NFIB: variants seen among roughly 807,000 people sequenced by gnomAD.
NFIB encodes the protein nuclear factor I B, also known as nuclear factor 1 B-type.
A neutral mutation model predicts 61.5 loss-of-function variants in NFIB; 11 were observed. That is an observed-to-expected ratio of 0.18 (90% confidence interval 0.11 to 0.30). The LOEUF is 0.30. NFIB is among the 10% of genes least tolerant of loss of function. The pLI is 1.00. For synonymous variants in NFIB, 260 were observed against 216.5 expected, an observed-to-expected ratio of 1.20 and a Z score of -1.76; for missense variants, 471 against 608.9, an observed-to-expected ratio of 0.77 and a Z score of 2.38.
rs1332059831 is a variant in NFIB at position 14,202,723 on chromosome 9, G to T, written c.563-22943C>A. Among the ~76,000 whole-genome samples the T allele has an allele frequency of 3.4e-4, 51 of 152,132 alleles. 1 individual carries two copies. Among genetic ancestry groups the T allele is most frequent in the Admixed American group, 3.3e-3 (51 of 15,278 alleles). On this transcript the variant is annotated intron_variant, in intron 2 of 10. Coordinates refer to ENST00000380953, the MANE Select transcript of NFIB (RefSeq NM_001190737.2). ...TTATATGGTTTTCTCTAACGTATCT[G>T]AGAAATGGGTAAGCAAATCTATGCA...
chr9:14,082,195 T>A lies in NFIB; in HGVS notation c.*6114A>T. The A allele has an allele frequency of 4.9e-6, 1 of 205,968 alleles. No homozygotes were observed. The highest frequency in any genetic ancestry group is 1.0e-5 in the Non-Finnish European group (1 of 100,496). The allele number at this position is 205,968 out of a possible 1,614,324, so 12.8% of individuals were successfully genotyped here. A position where few individuals can be genotyped will look rare whatever the true frequency, so the allele number is the denominator to read the frequency against. ...CTAAAGGTTTGTTACATGGAGATTG[T>A]GCATGTGCCTCCTTTTGTAAAAAAA... On this transcript the variant is annotated 3_prime_UTR_variant, in exon 11 of 11. Transcript: ENST00000380953.
intron 2 of NFIB, among the ~76,000 whole-genome samples, chr9:14,289,740 A>G (rs2058968434): frequency 6.6e-6 from 1 of 152,030 alleles, no homozygotes; most frequent in African/African-American, 2.4e-5. Flanking sequence ...TTTTTAAATG[A>G]TGTGTCATTT....
At chr9:14,284,583 C>T (rs577919027) in intron 2 of NFIB, among the ~76,000 whole-genome samples, 2 of 152,074 alleles carry the variant, frequency 1.3e-5, no homozygotes, top group Non-Finnish European at 2.9e-5. Flanking sequence ...AAAGATGCAA[C>T]CAAAAAACTT....
At chr9:14,420,445 C>CA in the NFIB span, among the ~76,000 whole-genome samples, 1,320 of 42,368 alleles carry the variant, frequency 0.031, 169 homozygotes, top group African/African-American at 0.082. Flanking sequence ...GACTCCGTCT[C>CA]AAAAAAAAAA....
intron 2 of NFIB, among the ~76,000 whole-genome samples, chr9:14,251,401 T>A (rs886149360): frequency 2.6e-5 from 4 of 152,234 alleles, no homozygotes; most frequent in Admixed American, 2.0e-4. Context: ...TAGGGCAGCT[T>A]GTCCAGCTCA....
At chr9:14,247,451 A>G (rs1404641842) in intron 2 of NFIB, among the ~76,000 whole-genome samples, 1 of 152,144 alleles carries the variant, frequency 6.6e-6, no homozygotes, top group Non-Finnish European at 1.5e-5. Context: ...CCTGACCTAG[A>G]AAAAAGGACT....
the NFIB span, among the ~76,000 whole-genome samples, chr9:14,482,851 T>C: frequency 6.6e-6 from 1 of 152,234 alleles, no homozygotes; most frequent in East Asian, 1.9e-4. Flanking sequence ...TAAAAACACA[T>C]TGACTACATA....
intron 9 of NFIB, 113 bp downstream of exon 9, chr9:14,116,095 G>T: frequency 7.9e-7 from 1 of 1,260,164 alleles, no homozygotes; most frequent in Non-Finnish European, 1.0e-6. Flanking sequence ...TCAGGTAGCT[G>T]GAAAAATTGC....
Position 14,257,201 on chromosome 9 carries a change from C to G in NFIB, c.562+49788G>C, listed in dbSNP as rs141504333. 7.7e-3 allele frequency among the ~76,000 whole-genome samples: 1,176 copies of G among 152,178 alleles called. 6 individuals carry two copies. The highest frequency in any genetic ancestry group is 0.011 in the Non-Finnish European group (761 of 68,010). ...CTCACCTATAAAATGAGGGGAAGTACGAGGTTACTCTGAATATTAAATGAG... is the reference window on the plus strand; with the variant it reads ...CTCACCTATAAAATGAGGGGAAGTAGGAGGTTACTCTGAATATTAAATGAG... On this transcript the variant is annotated intron_variant, in intron 2 of 10. Coordinates refer to ENST00000380953, the MANE Select transcript of NFIB (RefSeq NM_001190737.2).
rs1563995804 is a variant in NFIB, at chr9:14,307,245, CG to C, written c.305del (p.Pro102ArgfsTer31). ...FVLTVTGKKH[P>X]CCVLSNPDQK... Reference sequence around the variant, plus strand: ...GGTCGGGATTGGATAAGACACAGCACGGGTGCTTCTTGCCAGTCACGGTGAG... The same window carrying C: ...GGTCGGGATTGGATAAGACACAGCACGGTGCTTCTTGCCAGTCACGGTGAG... On this transcript the variant is annotated frameshift_variant, in exon 2 of 11. Transcript: ENST00000380953. LOFTEE classifies it high-confidence loss of function. The surrounding 1 kb of genome is among the most constrained non-coding windows in gnomAD (Gnocchi z 5.3). 6.2e-7 allele frequency: 1 copy of C among 1,613,940 alleles called. No homozygotes were observed. Among genetic ancestry groups the C allele is most frequent in the African/African-American group, 1.3e-5 (1 of 74,898 alleles).
At chr9:14,421,810 C>A in the NFIB span, among the ~76,000 whole-genome samples, 2 of 152,118 alleles carry the variant, frequency 1.3e-5, no homozygotes, top group African/African-American at 4.8e-5. Context: ...ATACCCAATT[C>A]TTCTATATTT....
At chr9:14,261,513 A>T (rs1587995270) in intron 2 of NFIB, among the ~76,000 whole-genome samples, 1 of 152,168 alleles carries the variant, frequency 6.6e-6, no homozygotes, top group East Asian at 1.9e-4. Context: ...AGTTTGTTGA[A>T]AATTAACTCA....
intron 2 of NFIB, among the ~76,000 whole-genome samples, chr9:14,201,379 T>G (rs1002343479): frequency 7.2e-5 from 11 of 152,110 alleles, no homozygotes; most frequent in African/African-American, 2.7e-4. Flanking sequence ...ACACCCAACT[T>G]CCTAATATTC....
intron 1 of NFIB, among the ~76,000 whole-genome samples, chr9:14,309,432 T>A (rs1048851672): frequency 6.6e-6 from 1 of 152,228 alleles, no homozygotes; most frequent in African/African-American, 2.4e-5. Flanking sequence ...ATCAAAATTT[T>A]ATAACAATAC....
chr9:14,358,905 C>A (rs988908571), intron 1 of NFIB, among the ~76,000 whole-genome samples: 2 of 152,192 alleles, frequency 1.3e-5, no homozygotes, highest in African/African-American at 4.8e-5. Flanking sequence ...AATGATACAT[C>A]AACCTTATCA....
At chr9:14,343,220 G>T (rs2060973600) in intron 1 of NFIB, among the ~76,000 whole-genome samples, 1 of 152,196 alleles carries the variant, frequency 6.6e-6, no homozygotes, top group African/African-American at 2.4e-5. Context: ...CATCCTTGGA[G>T]AAGTTTCGTT....
chr9:14,500,238 C>T, the NFIB span, among the ~76,000 whole-genome samples: 10 of 152,168 alleles, frequency 6.6e-5, no homozygotes, highest in African/African-American at 1.7e-4. Flanking sequence ...AGGATTCAAA[C>T]CCAGGAAGCC....
At chr9:14,305,402 C>G (rs2059964703) in intron 2 of NFIB, among the ~76,000 whole-genome samples, 1 of 152,160 alleles carries the variant, frequency 6.6e-6, no homozygotes, top group Non-Finnish European at 1.5e-5. Context: ...ATAGTCAATC[C>G]AACACATATA....
chr9:14,113,896 C>T (rs1355976802), intron 9 of NFIB, among the ~76,000 whole-genome samples: 2 of 151,650 alleles, frequency 1.3e-5, no homozygotes, highest in African/African-American at 4.8e-5. Context: ...AAATTTTTCA[C>T]ACACACAAAA....
Sources: gnomAD v4.1 joint callset for allele counts (sites outside exome capture counted in the v4.1 genomes callset) on GRCh38, gnomAD v4.1.1 for gene constraint, Gnocchi (gnomAD v3.1) non-coding constraint, MANE v1.5 for transcripts, NCBI Gene and HGNC (gene_info 2026-07-23, HGNC 2026-07-21) for gene names.